TMEM161B: variants seen among roughly 807,000 people sequenced by gnomAD.
The protein encoded by TMEM161B is transmembrane protein 161B.
TMEM161B carries 34 observed loss-of-function variants against 61.8 expected under a neutral mutation model. That is an observed-to-expected ratio of 0.55 (90% CI 0.42 to 0.73). TMEM161B has a LOEUF of 0.73. TMEM161B is among the 30% of genes least tolerant of loss of function. The pLI, the probability that TMEM161B is intolerant of heterozygous loss-of-function variation, is 0.00. For missense variants in TMEM161B, 456 were observed against 558.5 expected (o/e 0.82, Z 1.85); for synonymous variants, 167 against 192.8 (o/e 0.87, Z 1.11).
intron 1 of TMEM161B, among the ~76,000 whole-genome samples, chr5:88,267,916 C>A (rs1199033317): frequency 6.6e-6 from 1 of 152,198 alleles, no homozygotes; most frequent in Non-Finnish European, 1.5e-5. Context: ...GTCCTTCCCT[C>A]AGTCTGAAAC....
intron 1 of TMEM161B, among the ~76,000 whole-genome samples, chr5:88,252,982 C>T (rs990740529): frequency 8.5e-5 from 13 of 152,182 alleles, no homozygotes; most frequent in African/African-American, 3.1e-4. Flanking sequence ...TGATTTAGGG[C>T]AGAAAGCAGC....
At chr5:88,248,396 A>G (rs454693) in intron 1 of TMEM161B, among the ~76,000 whole-genome samples, 108,613 of 151,886 alleles carry the variant, frequency 0.72, 38,934 homozygotes, top group South Asian at 0.77. Flanking sequence ...CCCTAAAAGT[A>G]TATCGCCTAC....
chr5:88,250,244 T>C (rs981598900), intron 1 of TMEM161B, among the ~76,000 whole-genome samples: 6 of 151,774 alleles, frequency 4.0e-5, no homozygotes, highest in Non-Finnish European at 8.8e-5. Context: ...TGGTAAGAAA[T>C]TCTTACCTTT....
chr5:88,240,514 T>TA (rs1389223096), intron 2 of TMEM161B, among the ~76,000 whole-genome samples: 1 of 151,738 alleles, frequency 6.6e-6, no homozygotes, highest in East Asian at 1.9e-4. Context: ...GCTAAACAGA[T>TA]AAACTACTAA....
chr5:88,229,776 G>C (rs926434482), intron 2 of TMEM161B, among the ~76,000 whole-genome samples: 10 of 151,186 alleles, frequency 6.6e-5, no homozygotes, highest in Non-Finnish European at 1.2e-4. Flanking sequence ...AATAGAGACA[G>C]GGGCTCACTT....
At chr5:88,227,049 C>A (rs1388444583) in intron 3 of TMEM161B, among the ~76,000 whole-genome samples, 1 of 151,826 alleles carries the variant, frequency 6.6e-6, no homozygotes, top group Non-Finnish European at 1.5e-5. Flanking sequence ...ATCATCTGGG[C>A]ATGGTGTTGC....
At chr5:88,212,879 A>C (rs538438831) in intron 5 of TMEM161B, among the ~76,000 whole-genome samples, 1 of 152,362 alleles carries the variant, frequency 6.6e-6, no homozygotes, top group South Asian at 2.1e-4. Flanking sequence ...TTTTGTTGCT[A>C]ATACACAAGT....
chr5:88,192,900 T>C (rs539817803), downstream of TMEM161B, among the ~76,000 whole-genome samples: 31 of 152,308 alleles, frequency 2.0e-4, no homozygotes, highest in African/African-American at 7.2e-4. Context: ...GAAGTTCCAA[T>C]TATAGATTTC....
chr5:88,222,784 C>A (rs1749243752), intron 4 of TMEM161B, among the ~76,000 whole-genome samples: 1 of 152,004 alleles, frequency 6.6e-6, no homozygotes, highest in Non-Finnish European at 1.5e-5. Context: ...CATGAAAGTA[C>A]AAATTATATA....
intron 1 of TMEM161B, among the ~76,000 whole-genome samples, chr5:88,253,477 G>T (rs547491477): frequency 6.6e-6 from 1 of 152,242 alleles, no homozygotes; most frequent in African/African-American, 2.4e-5. Flanking sequence ...ATCAGAACAG[G>T]AAAGGAAGAG....
intron 1 of TMEM161B, among the ~76,000 whole-genome samples, chr5:88,265,990 T>C (rs1237271456): frequency 1.3e-5 from 2 of 152,244 alleles, no homozygotes; most frequent in African/African-American, 4.8e-5. Flanking sequence ...TCTGTAATTT[T>C]CAAAAAGGAA....
intron 1 of TMEM161B, among the ~76,000 whole-genome samples, chr5:88,258,180 G>T (rs1466436905): frequency 1.3e-5 from 2 of 152,160 alleles, no homozygotes; most frequent in Non-Finnish European, 2.9e-5. Flanking sequence ...GCAGTACAAT[G>T]AATGTTTTTA....
chr5:88,246,539 C>T (rs758995459), intron 1 of TMEM161B, among the ~76,000 whole-genome samples: 2 of 151,826 alleles, frequency 1.3e-5, no homozygotes, highest in Non-Finnish European at 2.9e-5. Flanking sequence ...TTACAGTGTA[C>T]ATGCCAGGGA....
At chr5:88,205,709 T>C in intron 8 of TMEM161B, 105 bp downstream of exon 8, 5 of 1,327,670 alleles carry the variant, frequency 3.8e-6, no homozygotes, top group Non-Finnish European at 5.1e-6. Flanking sequence ...CAAATGGTTA[T>C]TAATTTTCAA....
chr5:88,248,087 C>T (rs755236098), intron 1 of TMEM161B, among the ~76,000 whole-genome samples: 4 of 152,072 alleles, frequency 2.6e-5, no homozygotes, highest in Admixed American at 6.6e-5. Flanking sequence ...TGAGAATCAT[C>T]GGTGATATCT....
chr5:88,197,531 A>T, intron 11 of TMEM161B, 138 bp downstream of exon 11: 1 of 742,316 alleles, frequency 1.3e-6, no homozygotes, highest in Non-Finnish European at 2.2e-6. Context: ...CCACAGCTAA[A>T]ACTTTCCCAT....
downstream of TMEM161B, among the ~76,000 whole-genome samples, chr5:88,186,619 T>C (rs932420159): frequency 7.9e-5 from 12 of 152,070 alleles, no homozygotes; most frequent in African/African-American, 2.9e-4. Context: ...TTCTATGAAA[T>C]CTTTTATTAT....
intron 2 of TMEM161B, among the ~76,000 whole-genome samples, chr5:88,240,155 G>C (rs1023037549): frequency 4.6e-5 from 7 of 151,738 alleles, no homozygotes; most frequent in Non-Finnish European, 7.4e-5. Flanking sequence ...TAGGGATTGT[G>C]AGCCTATGGT....
At chr5:88,228,875 C>A (rs1750508211) in intron 2 of TMEM161B, among the ~76,000 whole-genome samples, 1 of 152,140 alleles carries the variant, frequency 6.6e-6, no homozygotes, top group Non-Finnish European at 1.5e-5. Context: ...CACATTAATT[C>A]TCTACTAATC....
Sources: gnomAD v4.1 joint callset for allele counts (sites outside exome capture counted in the v4.1 genomes callset) on GRCh38, gnomAD v4.1.1 for gene constraint, MANE v1.5 for transcripts, NCBI Gene and HGNC (gene_info 2026-07-23, HGNC 2026-07-21) for gene names.